Variants in HDAC9 observed in about 807,000 individuals in gnomAD.
HDAC9 encodes histone deacetylase 9, also known as MEF-2 interacting transcription repressor (MITR) protein.
Under a neutral mutation model 139.4 loss-of-function variants are expected in HDAC9, and 41 were observed. That is an observed-to-expected ratio of 0.29 (90% CI 0.23 to 0.38). The LOEUF is 0.38. Ranked by LOEUF, HDAC9 falls within the 10% of genes least tolerant of loss-of-function variation. The pLI is 1.00. For synonymous variants in HDAC9, 517 were observed against 476.2 expected (o/e 1.09, Z -1.12); for missense variants, 1,147 against 1,297.0 (o/e 0.88, Z 1.78).
chr7:18,767,410 C>T (rs1387124940), intron 16 of HDAC9, among the ~76,000 whole-genome samples: 1 of 152,160 alleles, frequency 6.6e-6, no homozygotes, highest in Admixed American at 6.5e-5. Flanking sequence ...TGTAAGTTCC[C>T]GTGTGACTGC....
chr7:18,655,502 G>C (rs28410682), intron 11 of HDAC9, among the ~76,000 whole-genome samples: 9,170 of 152,116 alleles, frequency 0.06, 836 homozygotes, highest in African/African-American at 0.2. Flanking sequence ...TCCACTTATA[G>C]AATACCAGCT....
intron 21 of HDAC9, among the ~76,000 whole-genome samples, chr7:18,839,024 T>C (rs183271993): frequency 5.9e-4 from 89 of 152,126 alleles, no homozygotes; most frequent in Non-Finnish European, 1.1e-3. Flanking sequence ...AACTAAATTA[T>C]TTCAAATGAC....
chr7:18,131,932 GA>G (rs1407274977), intron 1 of HDAC9, among the ~76,000 whole-genome samples: 1 of 152,174 alleles, frequency 6.6e-6, no homozygotes, highest in Non-Finnish European at 1.5e-5. Flanking sequence ...TTTAGGCAAA[GA>G]AGAGGCTGGC....
intron 2 of HDAC9, among the ~76,000 whole-genome samples, chr7:18,276,630 G>A (rs566134498): frequency 6.6e-6 from 1 of 152,094 alleles, no homozygotes; most frequent in Non-Finnish European, 1.5e-5. Context: ...CACCTCTAGA[G>A]GGCATAGGCT....
intron 1 of HDAC9, among the ~76,000 whole-genome samples, chr7:18,440,507 T>A (rs1437687978): frequency 6.6e-6 from 1 of 152,068 alleles, no homozygotes; most frequent in Non-Finnish European, 1.5e-5. Context: ...TATATTGTAA[T>A]TAAATAGACT....
At chr7:18,921,637 T>A (rs1367736101) in intron 22 of HDAC9, among the ~76,000 whole-genome samples, 12 of 152,042 alleles carry the variant, frequency 7.9e-5, no homozygotes, top group South Asian at 2.1e-4. Context: ...GTGGGACTGT[T>A]AACTAGTTCA....
chr7:18,276,229 GGAATTAATGGTA>G (rs1224422153), intron 2 of HDAC9, among the ~76,000 whole-genome samples: 5 of 152,236 alleles, frequency 3.3e-5, no homozygotes, highest in Admixed American at 6.5e-5. Flanking sequence ...AACTAGGAAT[GGAATTAATGGTA>G]GGCCAGGTGT....
chr7:18,994,010 A>C (rs1786242248), intron 25 of HDAC9, among the ~76,000 whole-genome samples: 1 of 152,226 alleles, frequency 6.6e-6, no homozygotes, highest in African/African-American at 2.4e-5. Flanking sequence ...TTTCAACCAA[A>C]GAGGCTTAAT....
intron 17 of HDAC9, among the ~76,000 whole-genome samples, chr7:18,808,885 C>T (rs2129188604): frequency 6.6e-6 from 1 of 151,832 alleles, no homozygotes; most frequent in African/African-American, 2.4e-5. Context: ...AAACAAACAA[C>T]AACAACAACA....
At chr7:18,795,230 G>T (rs963553894) in intron 17 of HDAC9, among the ~76,000 whole-genome samples, 1 of 132,258 alleles carries the variant, frequency 7.6e-6, no homozygotes, top group Non-Finnish European at 1.5e-5. Flanking sequence ...GAATCAGCAG[G>T]CATGGTTTAA....
At chr7:18,346,631 G>A (rs1410476605) in intron 1 of HDAC9, among the ~76,000 whole-genome samples, 1 of 152,060 alleles carries the variant, frequency 6.6e-6, no homozygotes, top group Admixed American at 6.6e-5. Flanking sequence ...AGTATTTTTA[G>A]TAAATATACT....
chr7:18,686,800 A>T (rs1296710425), intron 12 of HDAC9, among the ~76,000 whole-genome samples: 1 of 151,840 alleles, frequency 6.6e-6, no homozygotes, highest in Admixed American at 6.6e-5. Context: ...GAATGGTTGG[A>T]ATCCTCTCAC....
At chr7:18,268,595 A>C (rs1377848345) in intron 2 of HDAC9, among the ~76,000 whole-genome samples, 1 of 152,192 alleles carries the variant, frequency 6.6e-6, no homozygotes, top group Non-Finnish European at 1.5e-5. Context: ...AAAAGAAACT[A>C]TTGGAAAGAT....
At chr7:18,513,575 A>G (rs1201193122) in intron 2 of HDAC9, among the ~76,000 whole-genome samples, 1 of 152,202 alleles carries the variant, frequency 6.6e-6, no homozygotes, top group South Asian at 2.1e-4. Context: ...AAGGCCCTTG[A>G]GACCATTATG....
At chr7:18,966,682 CAG>C (rs1308470304) in intron 24 of HDAC9, among the ~76,000 whole-genome samples, 1 of 151,296 alleles carries the variant, frequency 6.6e-6, no homozygotes, top group Non-Finnish European at 1.5e-5. Context: ...GCCTGGGTGA[CAG>C]AGCGAGACTC....
intron 6 of HDAC9, among the ~76,000 whole-genome samples, chr7:18,617,726 A>G (rs1468936671): frequency 2.0e-5 from 3 of 152,166 alleles, no homozygotes; most frequent in Admixed American, 6.6e-5. Flanking sequence ...TAGCCTATTT[A>G]TTATTGTATC....
chr7:18,660,347 C>T (rs534947387), intron 11 of HDAC9, among the ~76,000 whole-genome samples: 3 of 152,206 alleles, frequency 2.0e-5, no homozygotes, highest in African/African-American at 7.2e-5. Flanking sequence ...TTTTGTGAAT[C>T]TTTACAAAGA....
chr7:18,946,902 G>A (rs917150850), intron 23 of HDAC9, among the ~76,000 whole-genome samples: 25 of 151,994 alleles, frequency 1.6e-4, no homozygotes, highest in African/African-American at 4.6e-4. Context: ...AAAATAGACC[G>A]TATATGGAGC....
intron 22 of HDAC9, among the ~76,000 whole-genome samples, chr7:18,894,518 C>G (rs1174026962): frequency 6.6e-6 from 1 of 152,134 alleles, no homozygotes; most frequent in South Asian, 2.1e-4. Flanking sequence ...CAGGCCACTT[C>G]TGACCTAGAC....
Sources: allele counts gnomAD v4.1 joint callset (sites outside exome capture counted in the v4.1 genomes callset), GRCh38; gene constraint gnomAD v4.1.1; transcripts MANE v1.5; gene names NCBI Gene and HGNC (gene_info 2026-07-23, HGNC 2026-07-21).